Variants in VDR observed in about 807,000 individuals in gnomAD.
VDR encodes vitamin D3 receptor.
VDR carries 19 observed loss-of-function variants against 39.7 expected under a neutral mutation model. The ratio of observed to expected loss-of-function variants is 0.48; its 90% CI spans 0.33 to 0.70. The LOEUF (loss-of-function observed/expected upper bound fraction) is 0.70, where lower values mean the gene tolerates loss of function less well. Ranked by LOEUF, VDR falls within the 30% of genes least tolerant of loss-of-function variation. The pLI is 0.02. For missense variants in VDR, 442 were observed against 570.5 expected, an observed-to-expected ratio of 0.77 and a Z score of 2.29; for synonymous variants, 242 against 215.8, an observed-to-expected ratio of 1.12 and a Z score of -1.07.
At chr12:47,858,828 G>T (rs1173005240) in intron 4 of VDR, among the ~76,000 whole-genome samples, 1 of 152,230 alleles carries the variant, frequency 6.6e-6, no homozygotes, top group Non-Finnish European at 1.5e-5. Flanking sequence ...CTTTGAGAAA[G>T]GTCCATTGGC....
intron 4 of VDR, among the ~76,000 whole-genome samples, chr12:47,862,787 G>A (rs1335432284): frequency 6.6e-6 from 1 of 152,226 alleles, no homozygotes; most frequent in Non-Finnish European, 1.5e-5. Context: ...TTCTGAGGCC[G>A]GGGGACTTCA....
chr12:47,859,880 T>A (rs1945576682), intron 4 of VDR, among the ~76,000 whole-genome samples: 1 of 31,946 alleles, frequency 3.1e-5, no homozygotes, highest in Non-Finnish European at 5.9e-5. Context: ...CTTCCTTCCT[T>A]CCTTCCTTCC....
chr12:47,891,131 T>A (rs559986723), intron 1 of VDR, among the ~76,000 whole-genome samples: 1 of 152,334 alleles, frequency 6.6e-6, no homozygotes, highest in African/African-American at 2.4e-5. Context: ...ATATTTGGGA[T>A]CCTTGGGATC....
intron 1 of VDR, among the ~76,000 whole-genome samples, chr12:47,904,147 A>C (rs941609101): frequency 6.6e-6 from 1 of 152,012 alleles, no homozygotes; most frequent in Non-Finnish European, 1.5e-5. Flanking sequence ...AACTGTGAGA[A>C]GGGTCTGGGC....
At chr12:47,882,959 G>A (rs1022908052) in intron 1 of VDR, 185 bp from the exon 2 acceptor site, 78 of 540,838 alleles carry the variant, frequency 1.4e-4, no homozygotes, top group Non-Finnish European at 2.3e-4. Flanking sequence ...TGGGGGTGGC[G>A]GCTGGGCAGC....
intron 4 of VDR, 142 bp downstream of exon 4, chr12:47,864,905 C>T: frequency 7.1e-7 from 1 of 1,400,300 alleles, no homozygotes; most frequent in Non-Finnish European, 9.9e-7. Context: ...AGCTGCTGGT[C>T]CCACTGAGGC....
intron 1 of VDR, chr12:47,904,708 TCTC>T (rs954771990): frequency 2.2e-4 from 317 of 1,439,568 alleles, no homozygotes; most frequent in Admixed American, 4.1e-5. Context: ...GCGGAGCATT[TCTC>T]CTAAGCGCCG....
At chr12:47,861,159 C>G (rs780218358) in intron 4 of VDR, among the ~76,000 whole-genome samples, 20 of 152,284 alleles carry the variant, frequency 1.3e-4, no homozygotes, top group Non-Finnish European at 2.2e-4. Flanking sequence ...CTGATTACAT[C>G]TGGTTATAAG....
intron 4 of VDR, among the ~76,000 whole-genome samples, chr12:47,860,658 G>C (rs1197350036): frequency 2.0e-5 from 3 of 152,224 alleles, no homozygotes; most frequent in Non-Finnish European, 2.9e-5. Context: ...AGAGTTGTCA[G>C]AGGCTGTCTG....
Position 47,846,437 on chromosome 12 carries a change from C to T in VDR, c.922G>A (p.Glu308Lys). 1 of 1,567,012 alleles carries T rather than the reference C, an allele frequency of 6.4e-7. No individual in the cohort carries two copies. The highest frequency in any genetic ancestry group is 8.7e-7 in the Non-Finnish European group (1 of 1,155,642). Residue 308 changes from glutamate (E) to lysine (K), a missense_variant, in exon 9 of 10, where the codon GAG becomes AAG. Physicochemically the swap from Glu to Lys is moderately conservative, Grantham distance 56 (BLOSUM62 1). Transcript: ENST00000549336. ...SDVTKAGHSL[E>K]LIEPLIKFQV... Reference sequence around the variant, plus strand: ...AACTTGATGAGGGGCTCAATCAGCTCCAGGCTGTGTCCGGCTGTGAGAGAC... The same window carrying T: ...AACTTGATGAGGGGCTCAATCAGCTTCAGGCTGTGTCCGGCTGTGAGAGAC...
chr12:47,902,245 C>G (rs1946577735), intron 1 of VDR, among the ~76,000 whole-genome samples: 1 of 152,236 alleles, frequency 6.6e-6, no homozygotes, highest in East Asian at 1.9e-4. Context: ...CACAGGCACT[C>G]TTTCTAGCAT....
At chr12:47,880,895 TA>T (rs1946136306) in intron 2 of VDR, among the ~76,000 whole-genome samples, 1 of 147,510 alleles carries the variant, frequency 6.8e-6, no homozygotes, top group Non-Finnish European at 1.5e-5. Context: ...ATTAAATATA[TA>T]AATACATATT....
intron 2 of VDR, among the ~76,000 whole-genome samples, chr12:47,880,584 T>A (rs560074807): frequency 9.9e-5 from 15 of 152,254 alleles, no homozygotes; most frequent in Middle Eastern, 6.8e-3. Flanking sequence ...GAATATGTTA[T>A]CATCAGTCCC....
rs1945213824 is a variant in VDR, at chr12:47,843,672, C to T, written c.*1074G>A. On this transcript the variant is annotated 3_prime_UTR_variant, in exon 10 of 10. Coordinates refer to ENST00000549336, the MANE Select transcript of VDR (RefSeq NM_000376.3). ...AGCCACCCGAGACTGCCCCGCTCTC[C>T]CTTCCCACACTCTGGGGTGCGGCAG... is the stretch of plus-strand genomic sequence containing the variant. 6.6e-6 allele frequency: 1 copy of T among 152,382 alleles called. No individual in the cohort carries two copies. Among genetic ancestry groups the T allele is most frequent in the South Asian group, 2.1e-4 (1 of 4,826 alleles). 9.4% of individuals were successfully genotyped at this position (152,382 alleles called of 1,614,324 possible).
intron 3 of VDR, among the ~76,000 whole-genome samples, chr12:47,874,501 C>G (rs1945959804): frequency 6.6e-6 from 1 of 152,208 alleles, no homozygotes; most frequent in Non-Finnish European, 1.5e-5. Context: ...TCCTCGCCAG[C>G]CTACCTTTTG....
intron 5 of VDR, 62 bp downstream of exon 5, chr12:47,857,442 G>A: frequency 6.2e-7 from 1 of 1,612,180 alleles, no homozygotes; most frequent in Admixed American, 1.7e-5. Context: ...CTACTCCCTG[G>A]GCCCTGGCTC....
At chr12:47,868,948 C>T (rs1945791619) in intron 3 of VDR, among the ~76,000 whole-genome samples, 1 of 152,156 alleles carries the variant, frequency 6.6e-6, no homozygotes, top group Admixed American at 6.5e-5. Context: ...GTGATGTGAG[C>T]CAAAGCCTCT....
At chr12:47,846,548 T>C in intron 8 of VDR, 97 bp from the exon 9 acceptor site, 1 of 1,568,790 alleles carries the variant, frequency 6.4e-7, no homozygotes, top group Non-Finnish European at 8.7e-7. Context: ...CTCTCCCTGT[T>C]GGTGCCTAAC....
chr12:47,877,773 G>A (rs746396034), intron 3 of VDR, among the ~76,000 whole-genome samples: 19 of 152,188 alleles, frequency 1.2e-4, no homozygotes, highest in Admixed American at 5.9e-4. Flanking sequence ...GCAGCAACAC[G>A]ACTTAGAGCC....
Sources: allele counts gnomAD v4.1 joint callset (sites outside exome capture counted in the v4.1 genomes callset), GRCh38; gene constraint gnomAD v4.1.1; transcripts MANE v1.5; gene names NCBI Gene and HGNC (gene_info 2026-07-23, HGNC 2026-07-21).